Variants in CMPK1 observed in about 807,000 individuals in gnomAD.
CMPK1 encodes the protein UMP-CMP kinase.
A neutral mutation model predicts 25.7 loss-of-function variants in CMPK1; 10 were observed. That is an observed-to-expected ratio of 0.39 (90% CI 0.24 to 0.66). CMPK1 has a LOEUF of 0.66. CMPK1 is among the 30% of genes least tolerant of loss of function. The pLI, the probability that CMPK1 is intolerant of heterozygous loss-of-function variation, is 0.48. For synonymous variants in CMPK1, 106 were observed against 101.5 expected, an observed-to-expected ratio of 1.04 and a Z score of -0.27; for missense variants, 199 against 280.5, an observed-to-expected ratio of 0.71 and a Z score of 2.08.
chr1:47,344,153 G>A (rs1646465563), intron 1 of CMPK1, among the ~76,000 whole-genome samples: 1 of 151,788 alleles, frequency 6.6e-6, no homozygotes. Flanking sequence ...GATGACTACA[G>A]GATAGAATGA....
At chr1:47,358,936 G>A in intron 1 of CMPK1, 1 of 985,352 alleles carries the variant, frequency 1.0e-6, no homozygotes, top group Non-Finnish European at 1.2e-6. Flanking sequence ...TTTTCAAGCA[G>A]TTGAATCTTT....
At position 47,359,386 on chromosome 1, in the gene CMPK1, CTT is replaced by C. The variant is rs71053107; in HGVS notation, c.172-9065_172-9064del. ...TAGTGGTTGTTAAGAAACCTTTTTT[CTT>C]TTTTTTTTTTTTTTTTTGAGATAAA... On this transcript the variant is annotated intron_variant, in intron 1 of 5. Coordinates refer to ENST00000371873, the MANE Select transcript of CMPK1 (RefSeq NM_016308.3). 3.0e-3 allele frequency among the ~76,000 whole-genome samples: 311 copies of C among 102,722 alleles called. 4 individuals are homozygous for C. Among genetic ancestry groups the C allele is most frequent in the Middle Eastern group, 5.3e-3 (1 of 188 alleles). The allele number at this position is 102,722 out of a possible 152,430, so 67.4% of individuals were successfully genotyped here. A position where few individuals can be genotyped will look rare whatever the true frequency, so the allele number is the denominator to read the frequency against.
rs561143154 is a variant in CMPK1 at position 47,349,397 on chromosome 1, G to A, written c.171+15281G>A. 2.8e-4 allele frequency among the ~76,000 whole-genome samples: 43 copies of A among 152,226 alleles called. 2 individuals carry two copies. In the South Asian group the frequency reaches 7.9e-3, roughly 28 times the overall value. ...ATCTCAATTTCCCCTTTTGTAAAAC[G>A]AAGCGTATAGAGGAGTAGATGGTCT... On this transcript the variant is annotated intron_variant, in intron 1 of 5. Transcript: ENST00000371873.
intron 1 of CMPK1, among the ~76,000 whole-genome samples, chr1:47,367,013 A>T (rs1646643593): frequency 6.6e-6 from 1 of 152,180 alleles, no homozygotes; most frequent in African/African-American, 2.4e-5. Context: ...GGTGTGAGCC[A>T]CCGCACCCAG....
At chr1:47,366,457 AC>A (rs1448665683) in intron 1 of CMPK1, among the ~76,000 whole-genome samples, 1 of 151,828 alleles carries the variant, frequency 6.6e-6, no homozygotes, top group Non-Finnish European at 1.5e-5. Context: ...TCTAGCTGTT[AC>A]TAAAATACCA....
intron 1 of CMPK1, among the ~76,000 whole-genome samples, chr1:47,367,215 GGAT>G (rs1319080077): frequency 6.6e-6 from 1 of 152,086 alleles, no homozygotes; most frequent in Non-Finnish European, 1.5e-5. Flanking sequence ...AGAGAGACAT[GGAT>G]GATATTAGGA....
At chr1:47,335,528 T>C (rs1169292959) in intron 1 of CMPK1, among the ~76,000 whole-genome samples, 6 of 147,846 alleles carry the variant, frequency 4.1e-5, no homozygotes, top group Non-Finnish European at 7.4e-5. Flanking sequence ...TCCCAGCTAC[T>C]CCGAAGGCTG....
At chr1:47,364,902 A>G (rs1014286406) in intron 1 of CMPK1, among the ~76,000 whole-genome samples, 1 of 151,952 alleles carries the variant, frequency 6.6e-6, no homozygotes, top group African/African-American at 2.4e-5. Context: ...AGCTGGGACT[A>G]CAGGTGCACA....
At chr1:47,358,779 G>A (rs1646580902) in intron 1 of CMPK1, 2 of 984,066 alleles carry the variant, frequency 2.0e-6, no homozygotes, top group African/African-American at 3.5e-5. Context: ...CAAATGTTAT[G>A]TTTGCTTAAT....
chr1:47,347,802 TTTA>T (rs1333172373), intron 1 of CMPK1, among the ~76,000 whole-genome samples: 1 of 152,162 alleles, frequency 6.6e-6, no homozygotes, highest in African/African-American at 2.4e-5. Context: ...CTAATTTTTG[TTTA>T]TTATTAGTAG....
intron 2 of CMPK1, among the ~76,000 whole-genome samples, chr1:47,371,174 A>AT (rs1253065404): frequency 4.6e-5 from 7 of 152,190 alleles, no homozygotes; most frequent in Non-Finnish European, 1.0e-4. Context: ...GGTTGGAACT[A>AT]AAGACATTGG....
At chr1:47,345,829 C>A (rs1274768831) in intron 1 of CMPK1, among the ~76,000 whole-genome samples, 1 of 151,296 alleles carries the variant, frequency 6.6e-6, no homozygotes, top group African/African-American at 2.4e-5. Flanking sequence ...GATCTTGGCT[C>A]ACTGCAACCT....
chr1:47,359,386 C>CTTTTTTTTTT (rs71053107), intron 1 of CMPK1, among the ~76,000 whole-genome samples: 2 of 102,750 alleles, frequency 1.9e-5, no homozygotes, highest in Non-Finnish European at 3.6e-5. Flanking sequence ...AACCTTTTTT[C>CTTTTTTTTTT]TTTTTTTTTT....
intron 3 of CMPK1, among the ~76,000 whole-genome samples, chr1:47,374,096 C>T (rs1367867095): frequency 6.6e-6 from 1 of 152,182 alleles, no homozygotes; most frequent in African/African-American, 2.4e-5. Context: ...CAGAGTCTCA[C>T]TCTGTTGCCC....
At chr1:47,376,646 T>G in intron 5 of CMPK1, 58 bp from the exon 6 acceptor site, 1 of 1,078,582 alleles carries the variant, frequency 9.3e-7, no homozygotes, top group Non-Finnish European at 1.4e-6. Flanking sequence ...AGAACTTAGC[T>G]GTATGGTATT....
At chr1:47,358,104 CTTTTTTTT>C (rs398039948) in intron 1 of CMPK1, among the ~76,000 whole-genome samples, 1 of 78,756 alleles carries the variant, frequency 1.3e-5, no homozygotes, top group African/African-American at 5.3e-5. Flanking sequence ...CATAGTAGGT[CTTTTTTTT>C]TTTTTTTTTT....
intron 1 of CMPK1, among the ~76,000 whole-genome samples, chr1:47,359,045 G>A (rs1327081075): frequency 2.0e-5 from 3 of 152,178 alleles, no homozygotes; most frequent in Admixed American, 6.5e-5. Flanking sequence ...CAGGCCAGGC[G>A]CGGTGGCTCA....
chr1:47,354,599 C>CTTTTTTTT (rs34592236), intron 1 of CMPK1, among the ~76,000 whole-genome samples: 39 of 105,470 alleles, frequency 3.7e-4, no homozygotes, highest in East Asian at 1.3e-3. Context: ...TTGTGACTTG[C>CTTTTTTTT]TTTTTTTTTT....
chr1:47,340,304 CAA>C (rs749595776), intron 1 of CMPK1, among the ~76,000 whole-genome samples: 20 of 123,640 alleles, frequency 1.6e-4, no homozygotes, highest in African/African-American at 2.0e-4. Context: ...GACTCCGTCT[CAA>C]AAAAAAAAAA....
Sources: allele counts gnomAD v4.1 joint callset (sites outside exome capture counted in the v4.1 genomes callset), GRCh38; gene constraint gnomAD v4.1.1; transcripts MANE v1.5; gene names NCBI Gene and HGNC (gene_info 2026-07-23, HGNC 2026-07-21).